PUDP: variants seen among roughly 807,000 people sequenced by gnomAD.
The protein encoded by PUDP is pseudouridine-5'-phosphatase.
A neutral mutation model predicts 9.4 loss-of-function variants in PUDP; 8 were observed. The ratio of observed to expected loss-of-function variants is 0.85; its 90% confidence interval spans 0.50 to 1.53. The LOEUF is 1.53. Among genes scored for constraint, PUDP ranks in the 40% most tolerant of loss-of-function variants. The pLI is 0.00. For missense variants in PUDP, 188 were observed against 189.7 expected (o/e 0.99, Z 0.05); for synonymous variants, 99 against 80.7 (o/e 1.23, Z -1.22).
intron 3 of PUDP, among the ~76,000 whole-genome samples, chrX:6,832,443 G>A (rs749780356): frequency 6.2e-5 from 7 of 112,063 alleles, no homozygotes; most frequent in South Asian, 3.7e-4. Flanking sequence ...TGAGTGGGAC[G>A]CCAAGGCAAT....
At chrX:6,969,385 G>A (rs1479545523) in intron 3 of PUDP, among the ~76,000 whole-genome samples, 2 of 111,779 alleles carry the variant, frequency 1.8e-5, no homozygotes, top group African/African-American at 6.5e-5. Context: ...CAACCCAAGG[G>A]GTGAGGTGTG....
intron 3 of PUDP, among the ~76,000 whole-genome samples, chrX:6,954,251 A>T (rs1277468618): frequency 9.0e-6 from 1 of 111,011 alleles, no homozygotes; most frequent in Non-Finnish European, 1.9e-5. Flanking sequence ...ATTGTTTCTT[A>T]CATTCTTTGG....
intron 3 of PUDP, among the ~76,000 whole-genome samples, chrX:7,066,619 G>A (rs749153758): frequency 9.9e-5 from 11 of 111,150 alleles, no homozygotes; most frequent in Admixed American, 4.8e-4. Flanking sequence ...CTCACTCGCC[G>A]CTCACTTCCT....
At chrX:6,709,049 G>A (rs1215002261) in intron 1 of PUDP, among the ~76,000 whole-genome samples, 1 of 112,173 alleles carries the variant, frequency 8.9e-6, no homozygotes, top group Non-Finnish European at 1.9e-5. Flanking sequence ...GATGAGCATG[G>A]CTCAGGGAAT....
intron 3 of PUDP, among the ~76,000 whole-genome samples, chrX:6,769,090 C>T (rs1436833903): frequency 8.9e-6 from 1 of 111,987 alleles, no homozygotes; most frequent in Non-Finnish European, 1.9e-5. Context: ...ATCTTGAACA[C>T]AGTGTGTAAA....
At chrX:7,001,568 G>C (rs1308280516) in intron 1 of PUDP, among the ~76,000 whole-genome samples, 1 of 111,387 alleles carries the variant, frequency 9.0e-6, no homozygotes, top group Non-Finnish European at 1.9e-5. Context: ...ATTAGGACTG[G>C]AACAGACATA....
chrX:7,030,813 AAG>A (rs1172663484), intron 1 of PUDP, among the ~76,000 whole-genome samples: 1 of 111,550 alleles, frequency 9.0e-6, no homozygotes, highest in Non-Finnish European at 1.9e-5. Context: ...TCCAGACCCC[AAG>A]AGAGGGTTCT....
At chrX:7,011,772 A>T (rs917695368) in intron 1 of PUDP, among the ~76,000 whole-genome samples, 2 of 111,835 alleles carry the variant, frequency 1.8e-5, no homozygotes, top group African/African-American at 6.5e-5. Context: ...CTCTAGAGCA[A>T]TTTCTTGGAT....
At chrX:7,098,908 G>A (rs111878247) in intron 2 of PUDP, among the ~76,000 whole-genome samples, 2 of 110,182 alleles carry the variant, frequency 1.8e-5, no homozygotes, top group African/African-American at 3.3e-5. Flanking sequence ...GGGGAGAGCC[G>A]GCCAAGAGAT....
At chrX:6,970,125 G>A (rs974293550) in intron 3 of PUDP, among the ~76,000 whole-genome samples, 21 of 111,834 alleles carry the variant, frequency 1.9e-4, no homozygotes, top group African/African-American at 6.5e-4. Flanking sequence ...GTGTATACAC[G>A]GGAGGCTTCA....
chrX:6,946,149 T>A (rs1032015462), intron 3 of PUDP, among the ~76,000 whole-genome samples: 3 of 111,474 alleles, frequency 2.7e-5, no homozygotes, highest in African/African-American at 9.8e-5. Context: ...CTATGGAGAA[T>A]GTGCAATGAG....
intron 3 of PUDP, among the ~76,000 whole-genome samples, chrX:6,791,589 T>C (rs752906196): frequency 3.7e-5 from 4 of 107,774 alleles, no homozygotes; most frequent in Non-Finnish European, 5.8e-5. Context: ...GGTGGGACTC[T>C]ATCAACTTTT....
intron 2 of PUDP, among the ~76,000 whole-genome samples, chrX:7,103,715 C>A (rs1569160560): frequency 8.9e-6 from 1 of 112,062 alleles, no homozygotes; most frequent in Non-Finnish European, 1.9e-5. Context: ...AACAAAAACA[C>A]AAAAATCAAA....
At chrX:6,921,163 C>A (rs1384016310) in intron 3 of PUDP, among the ~76,000 whole-genome samples, 1 of 110,742 alleles carries the variant, frequency 9.0e-6, no homozygotes, top group Non-Finnish European at 1.9e-5. Flanking sequence ...GTGGGAGGAT[C>A]ACTTGAGCTC....
intron 3 of PUDP, among the ~76,000 whole-genome samples, chrX:6,950,798 T>C (rs943572597): frequency 4.5e-5 from 5 of 111,918 alleles, no homozygotes; most frequent in Non-Finnish European, 7.5e-5. Flanking sequence ...GTCCCGTAAA[T>C]AGGTAGGCTT....
At chrX:7,138,434 G>A (rs990052026) in intron 1 of PUDP, among the ~76,000 whole-genome samples, 11 of 108,589 alleles carry the variant, frequency 1.0e-4, no homozygotes, top group African/African-American at 3.4e-4. Context: ...GTGCAGTGGC[G>A]TGATCTCAGC....
chrX:6,855,212 C>G (rs1926887083), intron 3 of PUDP, among the ~76,000 whole-genome samples: 1 of 111,417 alleles, frequency 9.0e-6, no homozygotes, highest in Non-Finnish European at 1.9e-5. Flanking sequence ...TGTATTTTCT[C>G]TTCTTTATGA....
chrX:6,885,580 C>T (rs1376003674), intron 3 of PUDP, among the ~76,000 whole-genome samples: 1 of 112,186 alleles, frequency 8.9e-6, no homozygotes, highest in East Asian at 2.8e-4. Flanking sequence ...AGCCAGCTCA[C>T]CACCTGTTTT....
Position 6,949,354 on chromosome X carries a change from C to A in PUDP, c.*247+27779G>T, listed in dbSNP as rs191192257. Among the ~76,000 whole-genome samples the A allele has an allele frequency of 2.3e-3, 239 of 103,175 alleles. 1 individual carries two copies. The highest frequency in any genetic ancestry group is 4.1e-3 in the Non-Finnish European group (203 of 49,598). 89.6% of individuals were successfully genotyped at this position (103,175 alleles called of 115,157 possible). A position where few individuals can be genotyped will look rare whatever the true frequency, so the allele number is the denominator to read the frequency against. On this transcript the variant is annotated intron_variant and NMD_transcript_variant, in intron 3 of 3. Transcript: ENST00000655425. ...TATCACCTTGTGTGCTTTTCACTAT[C>A]TTCTTGCTCCTATTCTCCCTCCTCC...
Sources: allele counts gnomAD v4.1 joint callset (sites outside exome capture counted in the v4.1 genomes callset), GRCh38; gene constraint gnomAD v4.1.1; transcripts MANE v1.5; gene names NCBI Gene and HGNC (gene_info 2026-07-23, HGNC 2026-07-21).